OLFM2: variants seen among roughly 807,000 people sequenced by gnomAD.
The protein encoded by OLFM2 is olfactomedin 2, also known as noelin-2.
A neutral mutation model predicts 43.9 loss-of-function variants in OLFM2; 20 were observed. That is an observed-to-expected ratio of 0.46 (90% CI 0.32 to 0.66). The LOEUF (loss-of-function observed/expected upper bound fraction) is 0.66, where lower values mean the gene tolerates loss of function less well. Ranked by LOEUF, OLFM2 falls within the 30% of genes least tolerant of loss-of-function variation. The pLI is 0.04. For missense variants in OLFM2, 416 were observed against 643.6 expected (o/e 0.65, Z 3.83); for synonymous variants, 268 against 278.6 (o/e 0.96, Z 0.38).
rs371404046 is a variant in OLFM2 at position 9,901,154 on chromosome 19, AAAAG to A, written c.63+35146_63+35149del. Reference sequence around the variant, plus strand: ...AAGGAAGGAAAGAAAGAAGGAAAGAAAAAGAAAGAAAGGAAGGAAGGAAAAGAAA... The same window carrying A: ...AAGGAAGGAAAGAAAGAAGGAAAGAAAAAGAAAGGAAGGAAGGAAAAGAAA... On this transcript the variant is annotated intron_variant, in intron 1 of 5. Coordinates refer to ENST00000264833, the MANE Select transcript of OLFM2 (RefSeq NM_058164.4). Among the ~76,000 whole-genome samples, 103 of 149,962 alleles carry A rather than the reference AAAAG, an allele frequency of 6.9e-4. 1 individual carries two copies. Among genetic ancestry groups the A allele is most frequent in the African/African-American group, 1.7e-3 (68 of 40,760 alleles).
chr19:9,865,503 T>TTC (rs1319547333), intron 1 of OLFM2, among the ~76,000 whole-genome samples: 2 of 139,090 alleles, frequency 1.4e-5, no homozygotes, highest in Non-Finnish European at 3.1e-5. Context: ...TTTTTTTTTT[T>TTC]TTTTTTGAGA....
intron 1 of OLFM2, among the ~76,000 whole-genome samples, chr19:9,922,933 A>G (rs924835506): frequency 6.6e-6 from 1 of 151,928 alleles, no homozygotes; most frequent in African/African-American, 2.4e-5. Context: ...AAAGAAAGAA[A>G]AAAAGAAAAG....
chr19:9,933,551 TC>T (rs555900140), intron 1 of OLFM2, among the ~76,000 whole-genome samples: 3 of 114,822 alleles, frequency 2.6e-5, no homozygotes, highest in Admixed American at 9.8e-5. Flanking sequence ...ATCACTCTAA[TC>T]TTTTTTTTTT....
intron 1 of OLFM2, among the ~76,000 whole-genome samples, chr19:9,900,264 G>C (rs974336835): frequency 6.6e-6 from 1 of 152,124 alleles, no homozygotes; most frequent in South Asian, 2.1e-4. Context: ...AGGAAACCTG[G>C]GAAGGGGAGG....
At chr19:9,890,527 G>A (rs1241110669) in intron 1 of OLFM2, among the ~76,000 whole-genome samples, 2 of 152,226 alleles carry the variant, frequency 1.3e-5, no homozygotes, top group African/African-American at 4.8e-5. Context: ...GTAGTCAACA[G>A]AACTGTTGAC....
intron 1 of OLFM2, among the ~76,000 whole-genome samples, chr19:9,906,778 C>T (rs1315157800): frequency 6.6e-6 from 1 of 152,122 alleles, no homozygotes; most frequent in African/African-American, 2.4e-5. Context: ...TGGCCTTCCC[C>T]ATCTCCTGGG....
At chr19:9,917,471 T>C (rs1049757678) in intron 1 of OLFM2, among the ~76,000 whole-genome samples, 2 of 152,200 alleles carry the variant, frequency 1.3e-5, no homozygotes, top group Non-Finnish European at 2.9e-5. Flanking sequence ...TGGGAGCCAC[T>C]GGAGGGAGAT....
intron 1 of OLFM2, among the ~76,000 whole-genome samples, chr19:9,922,886 G>A (rs1177153876): frequency 6.6e-6 from 1 of 150,456 alleles, no homozygotes. Context: ...ACTCCAGCCT[G>A]GGTGACAGAG....
chr19:9,884,880 A>G (rs1428579510), intron 1 of OLFM2, among the ~76,000 whole-genome samples: 1 of 151,968 alleles, frequency 6.6e-6, no homozygotes, highest in Non-Finnish European at 1.5e-5. Context: ...AGGCATCAAG[A>G]TATGAATGAA....
At position 9,857,360 on chromosome 19, in the gene OLFM2, C is replaced by T. The variant is rs369944077; in HGVS notation, c.483G>A (p.Ala161=). The change falls in exon 4 of 6, where the codon GCG becomes GCA. Residue 161 remains alanine (A), a synonymous_variant. Coordinates refer to ENST00000264833, the MANE Select transcript of OLFM2 (RefSeq NM_058164.4). This position sits in a 1 kb window ranked among gnomAD's most constrained non-coding sequence, Gnocchi z 5.7. ...EEVRNLSGSL[A]AIQEEMGAYG... ...AGGCACCCATCTCCTCCTGAATGGCCGCCAGACTGCCGGAGAGATTCCTCA... is the reference window on the plus strand; with the variant it reads ...AGGCACCCATCTCCTCCTGAATGGCTGCCAGACTGCCGGAGAGATTCCTCA... 3.1e-6 allele frequency: 5 copies of T among 1,614,032 alleles called. No homozygotes were observed. The highest frequency in any genetic ancestry group is 1.3e-5 in the African/African-American group (1 of 74,910).
intron 1 of OLFM2, among the ~76,000 whole-genome samples, chr19:9,918,490 C>G (rs1194474577): frequency 6.6e-6 from 1 of 152,128 alleles, no homozygotes; most frequent in East Asian, 1.9e-4. Context: ...CCACGCCAGA[C>G]CCTAAAACTC....
intron 2 of OLFM2, 150 bp from the exon 3 acceptor site, chr19:9,858,011 C>A: frequency 1.1e-6 from 1 of 940,566 alleles, no homozygotes; most frequent in Non-Finnish European, 1.7e-6. Context: ...CAGCAGCCTC[C>A]CAATTGCGTG....
chr19:9,901,332 A>T lies in OLFM2; in HGVS notation c.63+34972T>A, dbSNP rs189516904. On this transcript the variant is annotated intron_variant, in intron 1 of 5. Transcript: ENST00000264833. ...TTCCAACTACTTGGGAGGCTGAGGA[A>T]TTAGACTTGCTTGAGCCTGGAAGGC... 3.5e-3 allele frequency among the ~76,000 whole-genome samples: 534 copies of T among 152,170 alleles called. 5 individuals carry two copies. The highest frequency in any genetic ancestry group is 0.013 in the African/African-American group (527 of 41,530).
chr19:9,878,990 G>T (rs1452448976), intron 1 of OLFM2, among the ~76,000 whole-genome samples: 1 of 152,040 alleles, frequency 6.6e-6, no homozygotes, highest in Non-Finnish European at 1.5e-5. Flanking sequence ...GAGTGATAGG[G>T]TCTGGATTTG....
chr19:9,866,774 C>T (rs963762924), intron 1 of OLFM2, among the ~76,000 whole-genome samples: 32 of 151,992 alleles, frequency 2.1e-4, no homozygotes, highest in African/African-American at 7.2e-4. Flanking sequence ...GAATTATAGG[C>T]GTGAGCTATC....
At position 9,857,877 on chromosome 19, in the gene OLFM2, ACTG is replaced by A. The variant is rs762996178; in HGVS notation, c.214-19_214-17del. On this transcript the variant is annotated splice_polypyrimidine_tract_variant and intron_variant, in intron 2 of 5. Coordinates refer to ENST00000264833, the MANE Select transcript of OLFM2 (RefSeq NM_058164.4). This position sits in a 1 kb window ranked among gnomAD's most constrained non-coding sequence, Gnocchi z 5.7. ...CGTTCTGGACCTAGGAATGGGGACAACTGAAGGGACCAGACCTCCTTCCCCAAA... is the reference window on the plus strand; with the variant it reads ...CGTTCTGGACCTAGGAATGGGGACAAAAGGGACCAGACCTCCTTCCCCAAA... 3.1e-6 allele frequency: 5 copies of A among 1,613,696 alleles called. No homozygotes were observed. Among genetic ancestry groups the A allele is most frequent in the Non-Finnish European group, 4.2e-6 (5 of 1,180,026 alleles).
intron 1 of OLFM2, among the ~76,000 whole-genome samples, chr19:9,874,692 G>C (rs922776336): frequency 3.3e-5 from 5 of 152,142 alleles, no homozygotes; most frequent in African/African-American, 1.2e-4. Flanking sequence ...TGTTGGCCAG[G>C]CTGGTCTCAA....
In OLFM2 at chr19:9,936,448, G is replaced by T. The variant is rs948212923; in HGVS notation, c.-82C>A. On this transcript the variant is annotated 5_prime_UTR_variant, in exon 1 of 6. Transcript: ENST00000264833. ...GGGGACCGCCACCAGGCGCGACCCCGCCCGCCCGGCCGGGGCGACCCTGCG... is the reference window on the plus strand; with the variant it reads ...GGGGACCGCCACCAGGCGCGACCCCTCCCGCCCGGCCGGGGCGACCCTGCG... 2.0e-6 allele frequency: 2 copies of T among 995,284 alleles called. No homozygotes were observed. Among genetic ancestry groups the T allele is most frequent in the Non-Finnish European group, 2.4e-6 (2 of 833,188 alleles). 61.7% of individuals were successfully genotyped at this position (995,284 alleles called of 1,614,324 possible).
chr19:9,916,879 C>T (rs1308951082), intron 1 of OLFM2, among the ~76,000 whole-genome samples: 2 of 152,192 alleles, frequency 1.3e-5, no homozygotes, highest in African/African-American at 4.8e-5. Flanking sequence ...AGTCCCCACT[C>T]ACCATCACCT....
Sources: gnomAD v4.1 joint callset for allele counts (sites outside exome capture counted in the v4.1 genomes callset) on GRCh38, gnomAD v4.1.1 for gene constraint, Gnocchi (gnomAD v3.1) non-coding constraint, MANE v1.5 for transcripts, NCBI Gene and HGNC (gene_info 2026-07-23, HGNC 2026-07-21) for gene names.